The following AP4S1 variants were observed in gnomAD, a reference collection of about 807,000 sequenced individuals.
The protein encoded by AP4S1 is adaptor related protein complex 4 subunit sigma 1.
AP4S1 carries 23 observed loss-of-function variants against 19.8 expected under a neutral mutation model. The ratio of observed to expected loss-of-function variants is 1.16; its 90% confidence interval spans 0.84 to 1.65. AP4S1 has a LOEUF of 1.65. AP4S1 is among the 40% of genes most tolerant of loss of function. The pLI is 0.00. For missense variants in AP4S1, 166 were observed against 172.8 expected (o/e 0.96, Z 0.22); for synonymous variants, 46 against 54.1 (o/e 0.85, Z 0.66).
At chr14:31,088,646 A>G (rs968771692) in intron 5 of AP4S1, among the ~76,000 whole-genome samples, 2 of 151,872 alleles carry the variant, frequency 1.3e-5, no homozygotes, top group Admixed American at 6.6e-5. Flanking sequence ...CACTTCTACT[A>G]AAAATACAAA....
intron 3 of AP4S1, among the ~76,000 whole-genome samples, 188 bp downstream of exon 3, chr14:31,070,117 C>T (rs1172958402): frequency 3.3e-5 from 5 of 152,168 alleles, no homozygotes; most frequent in Non-Finnish European, 4.4e-5. Context: ...GCCTCAGCCT[C>T]CCAAGTAGCT....
chr14:31,085,726 T>G (rs1235160265), intron 5 of AP4S1: 23 of 788,750 alleles, frequency 2.9e-5, no homozygotes, highest in Non-Finnish European at 3.1e-5. Context: ...TGAGCCATGA[T>G]TGTGCTACTG....
chr14:31,087,642 A>G (rs535898631), intron 5 of AP4S1, among the ~76,000 whole-genome samples: 1 of 152,222 alleles, frequency 6.6e-6, no homozygotes, highest in Non-Finnish European at 1.5e-5. Flanking sequence ...GGTGTGAGCC[A>G]CTGCACCTGG....
intron 1 of AP4S1, chr14:31,026,107 TC>T: frequency 1.3e-6 from 2 of 1,510,816 alleles, no homozygotes; most frequent in East Asian, 2.7e-5. Context: ...AGGCCCAGGT[TC>T]CCCCCAGGTC....
intron 2 of AP4S1, among the ~76,000 whole-genome samples, chr14:31,068,218 G>T (rs545149159): frequency 6.6e-6 from 1 of 152,162 alleles, no homozygotes; most frequent in Non-Finnish European, 1.5e-5. Flanking sequence ...TACTTAATCC[G>T]GTCCTAAACT....
At chr14:31,043,471 A>G (rs1885225037) in intron 1 of AP4S1, among the ~76,000 whole-genome samples, 1 of 152,146 alleles carries the variant, frequency 6.6e-6, no homozygotes, top group African/African-American at 2.4e-5. Flanking sequence ...TTGAAGTCAA[A>G]TTTCAGTAAT....
chr14:31,072,985 G>A lies in AP4S1; in HGVS notation c.294+12G>A. The A allele has an allele frequency of 6.2e-7, 1 of 1,611,702 alleles. No homozygotes were observed. The highest frequency in any genetic ancestry group is 8.5e-7 in the Non-Finnish European group (1 of 1,177,886). On this transcript the variant is annotated intron_variant, in intron 4 of 5. Transcript: ENST00000542754. ...ATTTCAGCCGAGTGGTAAGTCTAAT[G>A]GCTAAAAAATGGTTTACTTCCTCAA...
chr14:31,044,613 G>T (rs939617910), intron 1 of AP4S1, among the ~76,000 whole-genome samples: 2 of 151,452 alleles, frequency 1.3e-5, no homozygotes, highest in Non-Finnish European at 2.9e-5. Flanking sequence ...TTCCCAAAGT[G>T]CTGGGATTAC....
In AP4S1 at chr14:31,084,657, T is replaced by G. The variant is rs1290544906; in HGVS notation, c.306+4073T>G. On this transcript the variant is annotated intron_variant, in intron 5 of 5. Transcript: ENST00000542754. ...TTCCACTCCACCCGCCCGGCTGAAG[T>G]GAGGCCTGAAGATTTGTGAAGCCTG... is the stretch of plus-strand genomic sequence containing the variant. The G allele has an allele frequency of 1.9e-6, 3 of 1,541,546 alleles. No homozygotes were observed. In the African/African-American group the frequency reaches 4.1e-5, roughly 21 times the overall value.
chr14:31,055,318 G>A (rs994557703), intron 1 of AP4S1, among the ~76,000 whole-genome samples: 11 of 152,082 alleles, frequency 7.2e-5, no homozygotes, highest in Non-Finnish European at 1.2e-4. Context: ...GAGAGGATTG[G>A]AATAGGCAGG....
chr14:31,082,888 T>C (rs1397841694), intron 5 of AP4S1, among the ~76,000 whole-genome samples: 1 of 145,336 alleles, frequency 6.9e-6, no homozygotes, highest in Non-Finnish European at 1.5e-5. Flanking sequence ...AGAGCGAGAC[T>C]CCGTCTCAAA....
At chr14:31,092,280 A>G (rs1049921506) in intron 5 of AP4S1, among the ~76,000 whole-genome samples, 4 of 152,110 alleles carry the variant, frequency 2.6e-5, no homozygotes, top group African/African-American at 9.7e-5. Context: ...GGTACAAGGC[A>G]TTTATTTTGG....
chr14:31,073,374 C>T lies in AP4S1; in HGVS notation c.294+401C>T, dbSNP rs1236483432. On this transcript the variant is annotated intron_variant, in intron 4 of 5. Transcript: ENST00000542754. ...GCGTGGTGGTGGGCGCCTGTAGTCC[C>T]AGCTACTCCGGAGGCTGAGGCAGGA... Among the ~76,000 whole-genome samples, 32 of 133,410 alleles carry T rather than the reference C, an allele frequency of 2.4e-4. 1 individual carries two copies. Among genetic ancestry groups the T allele is most frequent in the Non-Finnish European group, 4.7e-4 (28 of 59,920 alleles). The allele number at this position is 133,410 out of a possible 152,430, so 87.5% of individuals were successfully genotyped here. A position where few individuals can be genotyped will look rare whatever the true frequency, so the allele number is the denominator to read the frequency against.
intron 1 of AP4S1, among the ~76,000 whole-genome samples, chr14:31,049,429 ATATATATATAT>A (rs1322917309): frequency 0.012 from 420 of 35,852 alleles, 8 homozygotes; most frequent in African/African-American, 0.037. Context: ...AAAAAAAAAA[ATATATATATAT>A]ATATATATAT....
At chr14:31,057,712 G>A (rs1886197498) in intron 1 of AP4S1, among the ~76,000 whole-genome samples, 1 of 151,612 alleles carries the variant, frequency 6.6e-6, no homozygotes, top group African/African-American at 2.4e-5. Context: ...TGCAACCTCC[G>A]CCTCCTGGGT....
intron 1 of AP4S1, among the ~76,000 whole-genome samples, chr14:31,046,696 G>T (rs1885424346): frequency 6.6e-6 from 1 of 151,858 alleles, no homozygotes; most frequent in South Asian, 2.1e-4. Context: ...AATACAAAAA[G>T]TTAGCCGGGC....
At chr14:31,062,926 C>T (rs74733659) in intron 1 of AP4S1, among the ~76,000 whole-genome samples, 8,155 of 151,326 alleles carry the variant, frequency 0.054, 278 homozygotes, top group African/African-American at 0.09. Flanking sequence ...GAGATTACGC[C>T]ACTGCATTCC....
At chr14:31,072,618 A>G (rs1004921866) in intron 3 of AP4S1, among the ~76,000 whole-genome samples, 2 of 151,952 alleles carry the variant, frequency 1.3e-5, no homozygotes, top group Non-Finnish European at 2.9e-5. Context: ...CCATCCTCTC[A>G]CCTTGGCCTC....
chr14:31,041,156 T>C (rs1370358743), intron 1 of AP4S1, among the ~76,000 whole-genome samples: 3 of 152,122 alleles, frequency 2.0e-5, no homozygotes, highest in Non-Finnish European at 4.4e-5. Flanking sequence ...GTTTGTTTAT[T>C]TTTTTGTTTT....
Sources: allele counts gnomAD v4.1 joint callset (sites outside exome capture counted in the v4.1 genomes callset), GRCh38; gene constraint gnomAD v4.1.1; transcripts MANE v1.5; gene names NCBI Gene and HGNC (gene_info 2026-07-23, HGNC 2026-07-21).